The following BNIP3L variants were observed in gnomAD, a reference collection of about 807,000 sequenced individuals.
BNIP3L encodes the protein BCL2/adenovirus E1B 19 kDa protein-interacting protein 3-like.
Under a neutral mutation model 25.5 loss-of-function variants are expected in BNIP3L, and 10 were observed. The observed-to-expected ratio is 0.39, with a 90% CI of 0.24 to 0.67. The LOEUF (loss-of-function observed/expected upper bound fraction) is 0.67, where lower values mean the gene tolerates loss of function less well. BNIP3L is among the 30% of genes least tolerant of loss of function. The pLI, the probability that BNIP3L is intolerant of heterozygous loss-of-function variation, is 0.45. For synonymous variants in BNIP3L, 113 were observed against 101.2 expected (o/e 1.12, Z -0.70); for missense variants, 215 against 270.9 (o/e 0.79, Z 1.45).
At position 26,393,514 on chromosome 8, in the gene BNIP3L, C is replaced by G. The variant is rs776575191; in HGVS notation, c.285-1716C>G. Among the ~76,000 whole-genome samples, 9 of 151,436 alleles carry G rather than the reference C, an allele frequency of 5.9e-5. No individual in the cohort carries two copies. In the South Asian group the frequency reaches 8.4e-4, roughly 14 times the overall value. ...CACAATATTTTAAAAGCTCCCCAGC[C>G]GATTCTAATATGTGCCATGGGTGAA... On this transcript the variant is annotated intron_variant, in intron 2 of 5. Transcript: ENST00000380629.
At chr8:26,407,979 A>G (rs761664614) in intron 3 of BNIP3L, 21 bp from the exon 4 acceptor site, 192 of 1,604,532 alleles carry the variant, frequency 1.2e-4, no homozygotes, top group Non-Finnish European at 1.6e-4. Flanking sequence ...TTTTTCTTAA[A>G]GTTTGAATTC....
intron 1 of BNIP3L, among the ~76,000 whole-genome samples, chr8:26,384,694 C>G (rs1805946890): frequency 6.7e-6 from 1 of 149,440 alleles, no homozygotes; most frequent in African/African-American, 2.5e-5. Context: ...CAGAGGTTCT[C>G]ATGTTCAGCC....
intron 1 of BNIP3L, among the ~76,000 whole-genome samples, chr8:26,388,685 A>T (rs1289041506): frequency 6.6e-6 from 1 of 152,110 alleles, no homozygotes; most frequent in Non-Finnish European, 1.5e-5. Context: ...AAAAGTAAAA[A>T]CCAGGTTGGG....
rs756573750 is a variant in BNIP3L, at chr8:26,391,320, G to A, written c.178G>A (p.Val60Ile). 33 of 1,612,092 alleles carry A rather than the reference G, an allele frequency of 2.0e-5. No homozygotes were observed. The highest frequency in any genetic ancestry group is 6.7e-5 in the Admixed American group (4 of 59,684). Reference sequence around the variant, plus strand: ...TGGGAAAAATGGGGGGCTGGAACACGTACCATCCTCATCCTCCATCCACAA... The same window carrying A: ...TGGGAAAAATGGGGGGCTGGAACACATACCATCCTCATCCTCCATCCACAA... Reference protein sequence around the residue: ...GNGKNGGLEHVPSSSSIHNGD... With the variant: ...GNGKNGGLEHIPSSSSIHNGD... Residue 60 changes from valine to isoleucine, a missense_variant, in exon 2 of 6, where the codon GTA (valine) becomes ATA (isoleucine). Physicochemically the swap from Val to Ile is conservative, Grantham distance 29. Transcript: ENST00000380629.
rs200534833 is a variant in BNIP3L, at chr8:26,408,086, C to T, written c.444C>T (p.Pro148=). 1.1e-5 allele frequency: 17 copies of T among 1,614,152 alleles called. No homozygotes were observed. Among genetic ancestry groups the T allele is most frequent in the Admixed American group, 6.7e-5 (4 of 60,016 alleles). ...ADWVSDWSSR[P]ENIPPKEFHF... ...GGGTATCAGACTGGTCCAGTAGACC[C>T]GAAAACATTCCACCCAAGTGAGTTC... The change falls in exon 4 of 6, where the codon CCC becomes CCT. Residue 148 remains proline (P), a synonymous_variant. Transcript: ENST00000380629.
intron 3 of BNIP3L, among the ~76,000 whole-genome samples, chr8:26,401,318 A>C (rs1806365791): frequency 7.0e-6 from 1 of 143,552 alleles, no homozygotes; most frequent in African/African-American, 2.6e-5. Flanking sequence ...TCGCAAGAAC[A>C]AAAAACCAAA....
rs1291381806 is a variant in BNIP3L at position 26,399,751 on chromosome 8, A to G, written c.357+4449A>G. 2.8e-5 allele frequency among the ~76,000 whole-genome samples: 2 copies of G among 70,516 alleles called. 1 individual carries two copies. Among genetic ancestry groups the G allele is most frequent in the Non-Finnish European group, 5.9e-5 (2 of 33,680 alleles). The allele number at this position is 70,516 out of a possible 152,430, so 46.3% of individuals were successfully genotyped here. A position where few individuals can be genotyped will look rare whatever the true frequency, so the allele number is the denominator to read the frequency against. On this transcript the variant is annotated intron_variant, in intron 3 of 5. Transcript: ENST00000380629. ...GATACAAAATCAATGTACAAAAATCACAAGCATTCCTATACACCAACAAGA... is the reference window on the plus strand; with the variant it reads ...GATACAAAATCAATGTACAAAAATCGCAAGCATTCCTATACACCAACAAGA...
chr8:26,392,070 A>G (rs927622036), intron 2 of BNIP3L, among the ~76,000 whole-genome samples: 5 of 152,266 alleles, frequency 3.3e-5, no homozygotes, highest in African/African-American at 1.2e-4. Context: ...GAAGAAACTA[A>G]TTACATGGAT....
At chr8:26,409,675 C>T (rs1340878130) in intron 5 of BNIP3L, among the ~76,000 whole-genome samples, 1 of 152,132 alleles carries the variant, frequency 6.6e-6, no homozygotes, top group Non-Finnish European at 1.5e-5. Flanking sequence ...TATACCTTGC[C>T]GTCTCTCTTT....
chr8:26,391,211 G>T, intron 1 of BNIP3L, 32 bp from the exon 2 acceptor site: 1 of 1,543,172 alleles, frequency 6.5e-7, no homozygotes, highest in Non-Finnish European at 8.8e-7. Flanking sequence ...TTTCAGTTCT[G>T]CTGTGGTTAA....
chr8:26,404,874 G>A (rs543562217), intron 3 of BNIP3L, among the ~76,000 whole-genome samples: 9 of 152,290 alleles, frequency 5.9e-5, no homozygotes, highest in South Asian at 2.1e-4. Context: ...CAAATCTTAC[G>A]TAATTAGATT....
chr8:26,398,856 G>A (rs1174618900), intron 3 of BNIP3L, among the ~76,000 whole-genome samples: 1 of 151,838 alleles, frequency 6.6e-6, no homozygotes, highest in Admixed American at 6.6e-5. Flanking sequence ...ACTCTCCCAA[G>A]ACTAAACCAG....
At chr8:26,385,434 C>G (rs892331463) in intron 1 of BNIP3L, among the ~76,000 whole-genome samples, 1 of 151,882 alleles carries the variant, frequency 6.6e-6, no homozygotes, top group African/African-American at 2.4e-5. Context: ...ACAACCCCCT[C>G]TCTACTGAAA....
chr8:26,386,831 C>T (rs896472268), intron 1 of BNIP3L, among the ~76,000 whole-genome samples: 14 of 152,132 alleles, frequency 9.2e-5, no homozygotes, highest in Admixed American at 5.2e-4. Flanking sequence ...TGAATACCTA[C>T]GTAACTTGTA....
intron 3 of BNIP3L, among the ~76,000 whole-genome samples, chr8:26,406,018 G>A (rs1806493167): frequency 6.6e-6 from 1 of 152,320 alleles, no homozygotes; most frequent in Non-Finnish European, 1.5e-5. Flanking sequence ...ACTCCAGCCT[G>A]GGTGACAGAG....
Position 26,410,498 on chromosome 8 carries a change from A to C in BNIP3L, c.*86A>C, listed in dbSNP as rs1806598406. The C allele has an allele frequency of 8.1e-6, 12 of 1,486,506 alleles. No homozygotes were observed. The highest frequency in any genetic ancestry group is 2.8e-5 in the African/African-American group (2 of 72,142). The allele number at this position is 1,486,506 out of a possible 1,614,324, so 92.1% of individuals were successfully genotyped here. A position where few individuals can be genotyped will look rare whatever the true frequency, so the allele number is the denominator to read the frequency against. On this transcript the variant is annotated 3_prime_UTR_variant, in exon 6 of 6. Transcript: ENST00000380629. ...CTTATTTGAACTTGAGACCATTGTAAGCATGACCCAACCTACCACCCTGTT... is the reference window on the plus strand; with the variant it reads ...CTTATTTGAACTTGAGACCATTGTACGCATGACCCAACCTACCACCCTGTT...
intron 3 of BNIP3L, among the ~76,000 whole-genome samples, chr8:26,396,398 C>G (rs1275178920): frequency 3.6e-5 from 3 of 83,002 alleles, no homozygotes; most frequent in African/African-American, 1.5e-4. Context: ...TTCCAACAGA[C>G]CTGCAGCTGA....
At chr8:26,383,501 G>A (rs1805905209) in intron 1 of BNIP3L, 2 of 1,121,908 alleles carry the variant, frequency 1.8e-6, no homozygotes, top group South Asian at 2.2e-5. Context: ...CCCCTGGTGC[G>A]GGGGGTGGTC....
intron 5 of BNIP3L, 28 bp from the exon 6 acceptor site, chr8:26,410,336 G>GA: frequency 1.2e-6 from 2 of 1,613,884 alleles, no homozygotes; most frequent in Non-Finnish European, 8.5e-7. Flanking sequence ...TGAAACAGGT[G>GA]AAACATGATG....
Sources: allele counts gnomAD v4.1 joint callset (sites outside exome capture counted in the v4.1 genomes callset), GRCh38; gene constraint gnomAD v4.1.1; transcripts MANE v1.5; gene names NCBI Gene and HGNC (gene_info 2026-07-23, HGNC 2026-07-21).